Variants in ERG observed in about 807,000 individuals in gnomAD.
The protein encoded by ERG is transcriptional regulator ERG.
A neutral mutation model predicts 55.3 loss-of-function variants in ERG; 9 were observed. The ratio of observed to expected loss-of-function variants is 0.16; its 90% CI spans 0.10 to 0.28. ERG has a LOEUF of 0.28. Among genes scored for constraint, ERG ranks in the 10% least tolerant of loss-of-function variants. ERG has a pLI of 1.00. For synonymous variants in ERG, 223 were observed against 237.3 expected, an observed-to-expected ratio of 0.94 and a Z score of 0.55; for missense variants, 434 against 631.6, an observed-to-expected ratio of 0.69 and a Z score of 3.35.
chr21:38,516,415 G>A (rs113474514), intron 2 of ERG, among the ~76,000 whole-genome samples: 61 of 151,714 alleles, frequency 4.0e-4, no homozygotes, highest in African/African-American at 1.3e-3. Flanking sequence ...CCAAGGAAGC[G>A]AAAAATCTCT....
chr21:38,599,129 G>A (rs1291774169), intron 1 of ERG, among the ~76,000 whole-genome samples: 1 of 152,192 alleles, frequency 6.6e-6, no homozygotes, highest in Non-Finnish European at 1.5e-5. Context: ...AGAGAAGTTT[G>A]CAGAGGCTGC....
At chr21:38,578,528 T>G (rs548667150) in intron 1 of ERG, among the ~76,000 whole-genome samples, 1 of 152,290 alleles carries the variant, frequency 6.6e-6, no homozygotes, top group African/African-American at 2.4e-5. Flanking sequence ...GTATGACAGA[T>G]CCTAGCTGAA....
At chr21:38,549,207 TATA>T (rs1172269484) in intron 2 of ERG, among the ~76,000 whole-genome samples, 6 of 152,088 alleles carry the variant, frequency 3.9e-5, no homozygotes, top group African/African-American at 1.4e-4. Flanking sequence ...GGGGCACAGG[TATA>T]ATGTTTTTAT....
chr21:38,539,806 C>A (rs2146792289), intron 2 of ERG, among the ~76,000 whole-genome samples: 1 of 152,144 alleles, frequency 6.6e-6, no homozygotes, highest in Non-Finnish European at 1.5e-5. Context: ...ATGCTCTGAC[C>A]CCAGGTTGGC....
intron 1 of ERG, among the ~76,000 whole-genome samples, chr21:38,625,850 T>C (rs2060321001): frequency 6.6e-6 from 1 of 151,626 alleles, no homozygotes; most frequent in Admixed American, 6.6e-5. Context: ...TTTAGAATAA[T>C]CTGAGATGAA....
intron 1 of ERG, among the ~76,000 whole-genome samples, chr21:38,604,547 T>G (rs73906360): frequency 0.014 from 2,150 of 152,358 alleles, 59 homozygotes; most frequent in African/African-American, 0.049. Context: ...CATGTGAATG[T>G]TATTATAACA....
intron 2 of ERG, among the ~76,000 whole-genome samples, chr21:38,560,121 T>A (rs1008019966): frequency 1.3e-5 from 2 of 152,146 alleles, no homozygotes; most frequent in African/African-American, 4.8e-5. Flanking sequence ...ATTTTGTGAG[T>A]GAAGGGCATT....
intron 2 of ERG, among the ~76,000 whole-genome samples, chr21:38,533,968 G>C (rs1336625166): frequency 6.6e-6 from 1 of 151,970 alleles, no homozygotes; most frequent in East Asian, 1.9e-4. Flanking sequence ...AGGAACAAGT[G>C]CTCTCACCCT....
intron 2 of ERG, among the ~76,000 whole-genome samples, chr21:38,517,408 G>A (rs2059560258): frequency 6.6e-6 from 1 of 151,966 alleles, no homozygotes; most frequent in Admixed American, 6.6e-5. Context: ...ACCACAATGA[G>A]ATATCATCAT....
chr21:38,638,528 C>T (rs551761661), intron 1 of ERG, among the ~76,000 whole-genome samples: 1 of 152,172 alleles, frequency 6.6e-6, no homozygotes, highest in East Asian at 1.9e-4. Context: ...AGTAGAAATT[C>T]AAATGGACAA....
chr21:38,592,693 T>A (rs888163257), intron 1 of ERG, among the ~76,000 whole-genome samples: 9 of 152,194 alleles, frequency 5.9e-5, no homozygotes, highest in Non-Finnish European at 1.0e-4. Flanking sequence ...TACAATTCCC[T>A]AAAGGGTCCC....
At chr21:38,506,422 A>G (rs971515764) in intron 2 of ERG, among the ~76,000 whole-genome samples, 24 of 152,224 alleles carry the variant, frequency 1.6e-4, no homozygotes, top group African/African-American at 5.8e-4. Flanking sequence ...ATGTGAAAAA[A>G]GCCTCACGGT....
chr21:38,562,689 AAC>A (rs2059900150), intron 2 of ERG, among the ~76,000 whole-genome samples: 1 of 152,244 alleles, frequency 6.6e-6, no homozygotes, highest in African/African-American at 2.4e-5. Flanking sequence ...CTCAAGGAGC[AAC>A]ACAGTTTCTA....
intron 1 of ERG, among the ~76,000 whole-genome samples, chr21:38,656,982 C>T (rs11701577): frequency 0.39 from 58,930 of 151,972 alleles, 12,493 homozygotes; most frequent in Middle Eastern, 0.55. Context: ...GTACAAAAAT[C>T]TCATTCCCAC....
intron 1 of ERG, among the ~76,000 whole-genome samples, chr21:38,597,401 T>C (rs553271120): frequency 3.6e-4 from 55 of 152,264 alleles, no homozygotes; most frequent in African/African-American, 1.3e-3. Context: ...CATTTATGTA[T>C]GGACATAAAG....
Position 38,382,193 on chromosome 21 carries a change from G to C in ERG, c.*1210C>G. The C allele has an allele frequency of 3.8e-6, 4 of 1,049,744 alleles. No homozygotes were observed. Among genetic ancestry groups the C allele is most frequent in the Non-Finnish European group, 4.6e-6 (4 of 869,082 alleles). The allele number at this position is 1,049,744 out of a possible 1,614,324, so 65.0% of individuals were successfully genotyped here. A position where few individuals can be genotyped will look rare whatever the true frequency, so the allele number is the denominator to read the frequency against. ...GTCTTTGGCTGGCCGAGATCAACTC[G>C]TAGTGTATAAATGCATAAGTTATAT... On this transcript the variant is annotated 3_prime_UTR_variant, in exon 10 of 10. Coordinates refer to ENST00000288319, the MANE Select transcript of ERG (RefSeq NM_182918.4).
At chr21:38,534,312 GGAGA>G (rs1426247336) in intron 2 of ERG, among the ~76,000 whole-genome samples, 1 of 151,982 alleles carries the variant, frequency 6.6e-6, no homozygotes, top group African/African-American at 2.4e-5. Context: ...TTAAGGTTTG[GGAGA>G]GAAAGTTGTT....
intron 1 of ERG, among the ~76,000 whole-genome samples, chr21:38,637,630 T>C (rs1568965512): frequency 6.6e-6 from 1 of 152,248 alleles, no homozygotes; most frequent in Non-Finnish European, 1.5e-5. Context: ...ATGTTATTAA[T>C]TATAATTTTA....
rs1460043008 is a variant in ERG at position 38,380,258 on chromosome 21, T to G, written c.*3145A>C. The G allele has an allele frequency of 9.5e-7, 1 of 1,055,908 alleles. No individual in the cohort carries two copies. The highest frequency in any genetic ancestry group is 5.3e-5 in the East Asian group (1 of 19,020). 65.4% of individuals were successfully genotyped at this position (1,055,908 alleles called of 1,614,324 possible). Reference sequence around the variant, plus strand: ...GTAGCCATCTCTGCTGCACCTGCTGTCAGAGGGCAGCTCCTCCGGCTCCTG... The same window carrying G: ...GTAGCCATCTCTGCTGCACCTGCTGGCAGAGGGCAGCTCCTCCGGCTCCTG... On this transcript the variant is annotated 3_prime_UTR_variant, in exon 10 of 10. Coordinates refer to ENST00000288319, the MANE Select transcript of ERG (RefSeq NM_182918.4).
Sources: allele counts gnomAD v4.1 joint callset (sites outside exome capture counted in the v4.1 genomes callset), GRCh38; gene constraint gnomAD v4.1.1; transcripts MANE v1.5; gene names NCBI Gene and HGNC (gene_info 2026-07-23, HGNC 2026-07-21).